The following EYS variants were observed in gnomAD, a reference collection of about 807,000 sequenced individuals.
EYS encodes the protein EGF-like photoreceptor maintenance factor, also known as protein eyes shut homolog.
A neutral mutation model predicts 282.1 loss-of-function variants in EYS; 250 were observed. The observed-to-expected ratio is 0.89, with a 90% CI of 0.80 to 0.98. EYS has a LOEUF of 0.98. EYS is among the 50% of genes least tolerant of loss of function. The pLI, the probability that EYS is intolerant of heterozygous loss-of-function variation, is 0.00. For synonymous variants in EYS, 1,355 were observed against 1,282.9 expected (o/e 1.06, Z -1.20); for missense variants, 4,016 against 3,709.0 (o/e 1.08, Z -2.15).
At chr6:63,821,473 A>G (rs1771324174) in intron 36 of EYS, 1 of 152,224 alleles carries the variant, frequency 6.6e-6, no homozygotes, top group African/African-American at 2.4e-5. Context: ...CTTAATATGT[A>G]TCCCTGAAGT....
rs146490853 is a variant in EYS at position 65,619,832 on chromosome 6, T to C, written c.-333+19946A>G. On this transcript the variant is annotated intron_variant, in intron 2 of 42. Coordinates refer to ENST00000503581, the MANE Select transcript of EYS (RefSeq NM_001142800.2). Reference sequence around the variant, plus strand: ...ATAATCATGCGGTTTTTGTCTTTGGTTCTGTTTATATGCTGGATTACATTT... The same window carrying C: ...ATAATCATGCGGTTTTTGTCTTTGGCTCTGTTTATATGCTGGATTACATTT... Among the ~76,000 whole-genome samples, 941 of 150,722 alleles carry C rather than the reference T, an allele frequency of 6.2e-3. 4 individuals are homozygous for C. The highest frequency in any genetic ancestry group is 0.01 in the Non-Finnish European group (701 of 67,278).
At chr6:64,346,353 C>G (rs1472500077) in intron 29 of EYS, among the ~76,000 whole-genome samples, 1 of 151,988 alleles carries the variant, frequency 6.6e-6, no homozygotes, top group Non-Finnish European at 1.5e-5. Flanking sequence ...ACATACACAC[C>G]ATGGAATACT....
At chr6:64,888,254 T>C (rs1323689592) in intron 18 of EYS, among the ~76,000 whole-genome samples, 1 of 151,970 alleles carries the variant, frequency 6.6e-6, no homozygotes, top group Non-Finnish European at 1.5e-5. Flanking sequence ...TATTGTATAT[T>C]CAAAAGAGCT....
intron 26 of EYS, 63 bp downstream of exon 26, chr6:64,590,156 CTCTT>C: frequency 7.4e-7 from 1 of 1,355,050 alleles, no homozygotes; most frequent in South Asian, 1.5e-5. Context: ...CCATGACAGG[CTCTT>C]TCTTCTCTGT....
chr6:63,863,389 G>A (rs760262944), intron 36 of EYS, among the ~76,000 whole-genome samples: 10 of 152,014 alleles, frequency 6.6e-5, no homozygotes, highest in African/African-American at 1.2e-4. Flanking sequence ...AAAGAGAGAC[G>A]CATGTCTATT....
intron 8 of EYS, among the ~76,000 whole-genome samples, chr6:65,358,502 A>G (rs1326855343): frequency 6.6e-6 from 1 of 151,846 alleles, no homozygotes; most frequent in Non-Finnish European, 1.5e-5. Context: ...TTATAAACTC[A>G]AAGCTTTATT....
chr6:64,089,726 ACT>A (rs1438126001), intron 31 of EYS, among the ~76,000 whole-genome samples: 1 of 151,986 alleles, frequency 6.6e-6, no homozygotes, highest in African/African-American at 2.4e-5. Flanking sequence ...AAAATTTACT[ACT>A]CTCTTGTTGC....
intron 33 of EYS, among the ~76,000 whole-genome samples, chr6:64,036,245 T>C (rs1390899879): frequency 2.0e-5 from 3 of 151,952 alleles, no homozygotes; most frequent in Non-Finnish European, 2.9e-5. Flanking sequence ...AAAAAAAAGA[T>C]GATAGGACTG....
intron 15 of EYS, among the ~76,000 whole-genome samples, chr6:64,935,558 C>T (rs906480681): frequency 6.6e-5 from 10 of 151,234 alleles, no homozygotes; most frequent in African/African-American, 2.2e-4. Flanking sequence ...AACTGAAAAA[C>T]CATTAACTAG....
rs748977292 is a variant in EYS at position 64,436,268 on chromosome 6, G to A, written c.5836-3C>T. On this transcript the variant is annotated splice_region_variant and splice_polypyrimidine_tract_variant and intron_variant, in intron 27 of 42. Coordinates refer to ENST00000503581, the MANE Select transcript of EYS (RefSeq NM_001142800.2). ...TCACCAGGACAGTAAAAGTGGTACT[G>A]TTGGGGGAAAAAATTTTGTCCTCAA... 38 of 1,526,188 alleles carry A rather than the reference G, an allele frequency of 2.5e-5. No individual in the cohort carries two copies. Among genetic ancestry groups the A allele is most frequent in the Non-Finnish European group, 2.8e-5 (32 of 1,130,364 alleles). The allele number at this position is 1,526,188 out of a possible 1,614,324, so 94.5% of individuals were successfully genotyped here.
chr6:65,269,338 G>A (rs1194047524), intron 12 of EYS, among the ~76,000 whole-genome samples: 4 of 152,166 alleles, frequency 2.6e-5, no homozygotes, highest in African/African-American at 9.6e-5. Context: ...ATATCACAGT[G>A]AGAGAACTGG....
rs1772989372 is a variant in EYS, at chr6:64,388,616, T to C, written c.6078+74A>G. The C allele has an allele frequency of 6.7e-6, 9 of 1,336,746 alleles. No individual in the cohort carries two copies. The Admixed American group carries it at 9.9e-5, about 15-fold the overall frequency. 82.8% of individuals were successfully genotyped at this position (1,336,746 alleles called of 1,614,324 possible). On this transcript the variant is annotated intron_variant, in intron 29 of 42. Transcript: ENST00000503581. ...CAGAAAATATTTCTAAAGTTTTTCTTTTTCATTTATCAATATGATGATTTT... is the reference window on the plus strand; with the variant it reads ...CAGAAAATATTTCTAAAGTTTTTCTCTTTCATTTATCAATATGATGATTTT...
At chr6:64,640,318 C>A (rs1768089134) in intron 22 of EYS, among the ~76,000 whole-genome samples, 1 of 151,208 alleles carries the variant, frequency 6.6e-6, no homozygotes, top group Admixed American at 6.6e-5. Context: ...TGGAACCAAC[C>A]CAAATGTCCA....
chr6:64,569,634 G>A (rs969387645), intron 26 of EYS, among the ~76,000 whole-genome samples: 6 of 151,898 alleles, frequency 4.0e-5, no homozygotes, highest in Non-Finnish European at 8.8e-5. Context: ...CCAGCTACTC[G>A]TGAGGCTGAG....
chr6:64,553,163 T>C (rs1233332878), intron 26 of EYS, among the ~76,000 whole-genome samples: 2 of 152,136 alleles, frequency 1.3e-5, no homozygotes, highest in Non-Finnish European at 2.9e-5. Flanking sequence ...CCAAGGTCAC[T>C]TGTATTTTGC....
chr6:63,978,612 A>T (rs1404446845), intron 35 of EYS, among the ~76,000 whole-genome samples: 1 of 151,984 alleles, frequency 6.6e-6, no homozygotes, highest in Non-Finnish European at 1.5e-5. Flanking sequence ...AGTAAAAACT[A>T]AAAGATCTCA....
At chr6:64,053,233 A>T (rs995289646) in intron 33 of EYS, among the ~76,000 whole-genome samples, 1 of 152,074 alleles carries the variant, frequency 6.6e-6, no homozygotes, top group African/African-American at 2.4e-5. Flanking sequence ...ATTGTGTGAA[A>T]TTTCTAATAG....
chr6:65,317,829 T>TTCCTTCCTTCCTTG, intron 11 of EYS, among the ~76,000 whole-genome samples: 1 of 33,688 alleles, frequency 3.0e-5, no homozygotes, highest in East Asian at 4.9e-4. Context: ...TTCCTTCCTT[T>TTCCTTCCTTCCTTG]CTTTCTTTCT....
chr6:64,251,010 T>G (rs1248059686), intron 30 of EYS, among the ~76,000 whole-genome samples: 2 of 152,104 alleles, frequency 1.3e-5, no homozygotes, highest in Non-Finnish European at 2.9e-5. Flanking sequence ...GTTCATAGAT[T>G]AAAGCAACAC....
Sources: gnomAD v4.1 joint callset for allele counts (sites outside exome capture counted in the v4.1 genomes callset) on GRCh38, gnomAD v4.1.1 for gene constraint, MANE v1.5 for transcripts, NCBI Gene and HGNC (gene_info 2026-07-23, HGNC 2026-07-21) for gene names.